The following MIGA2 variants were observed in gnomAD, a reference collection of about 807,000 sequenced individuals.
MIGA2 encodes the protein mitoguardin 2.
Under a neutral mutation model 69.9 loss-of-function variants are expected in MIGA2, and 36 were observed. The ratio of observed to expected loss-of-function variants is 0.52; its 90% CI spans 0.39 to 0.68. The LOEUF (loss-of-function observed/expected upper bound fraction) is 0.68. MIGA2 is among the 30% of genes least tolerant of loss of function. The probability of loss-of-function intolerance (pLI) is 0.00; values close to 1 mark genes in which losing one functional copy is unlikely to be tolerated. For synonymous variants in MIGA2, 333 were observed against 349.2 expected (o/e 0.95, Z 0.52); for missense variants, 660 against 787.7 (o/e 0.84, Z 1.94).
chr9:129,060,575 C>A lies in MIGA2; in HGVS notation c.819C>A (p.Thr273=). The part of the protein sequence containing the change: ...DLERTLMLPL[T]EGSLRLRADD... ...AGAGGACCCTCATGCTGCCCCTGAC[C>A]GAGGGCTCGCTGCGGCTGCGGGCGG... is the stretch of plus-strand genomic sequence containing the variant. The change falls in exon 8 of 16, where the codon ACC becomes ACA. Residue 273 remains threonine (T), a synonymous_variant. Transcript: ENST00000684074. The surrounding 1 kb of genome is among the most constrained non-coding windows in gnomAD (Gnocchi z 4.8). 1 of 1,604,092 alleles carries A rather than the reference C, an allele frequency of 6.2e-7. No homozygotes were observed. Among genetic ancestry groups the A allele is most frequent in the East Asian group, 2.2e-5 (1 of 44,550 alleles).
At chr9:129,040,297 G>A (rs1429651974) in intron 1 of MIGA2, among the ~76,000 whole-genome samples, 155 bp from the exon 2 acceptor site, 3 of 152,324 alleles carry the variant, frequency 2.0e-5, no homozygotes, top group Non-Finnish European at 4.4e-5. Flanking sequence ...GCCTGCTGGC[G>A]GGCAGATGCA....
rs781697221 is a variant in MIGA2 at position 129,068,081 on chromosome 9, G to T, written c.1270-117G>T. On this transcript the variant is annotated intron_variant, in intron 12 of 15. Coordinates refer to ENST00000684074, the MANE Select transcript of MIGA2 (RefSeq NM_001329990.2). The surrounding 1 kb of genome is among the most constrained non-coding windows in gnomAD (Gnocchi z 4.1). ...TTGCACAGCAGAGCGGGAAAGACGTGTCCCCCCCACGTGTGCTCATGCCCT... is the reference window on the plus strand; with the variant it reads ...TTGCACAGCAGAGCGGGAAAGACGTTTCCCCCCCACGTGTGCTCATGCCCT... 6.9e-7 allele frequency: 1 copy of T among 1,447,714 alleles called. No homozygotes were observed. The highest frequency in any genetic ancestry group is 1.2e-5 in the South Asian group (1 of 86,278). The allele number at this position is 1,447,714 out of a possible 1,614,324, so 89.7% of individuals were successfully genotyped here.
chr9:129,051,253 ATTATTTATTTATTTAT>A (rs752763430), intron 6 of MIGA2: 7 of 172,950 alleles, frequency 4.0e-5, no homozygotes, highest in East Asian at 1.7e-4. Context: ...TCAACAGTGA[ATTATTTATTTATTTAT>A]TTATTTATTT....
Position 129,059,335 on chromosome 9 carries a change from G to A in MIGA2, c.793+64G>A. 1 of 1,339,374 alleles carries A rather than the reference G, an allele frequency of 7.5e-7. No homozygotes were observed. The allele number at this position is 1,339,374 out of a possible 1,614,324, so 83.0% of individuals were successfully genotyped here. ...GTGGCAGGGATGGAGGTGAGGAGAAGTTGCGAGAACCGGGTCGTGGTTCTC... is the reference window on the plus strand; with the variant it reads ...GTGGCAGGGATGGAGGTGAGGAGAAATTGCGAGAACCGGGTCGTGGTTCTC... On this transcript the variant is annotated intron_variant, in intron 7 of 15. Transcript: ENST00000684074. This position sits in a 1 kb window ranked among gnomAD's most constrained non-coding sequence, Gnocchi z 5.6.
intron 3 of MIGA2, among the ~76,000 whole-genome samples, chr9:129,045,967 C>T (rs947712461): frequency 6.6e-6 from 1 of 151,854 alleles, no homozygotes. Context: ...AATTCTCCTG[C>T]CTCAGCCTCC....
rs1411375355 is a variant in MIGA2, at chr9:129,042,534, C to A, written c.307+20C>A. On this transcript the variant is annotated intron_variant, in intron 3 of 15. Coordinates refer to ENST00000684074, the MANE Select transcript of MIGA2 (RefSeq NM_001329990.2). ...AGAAAGGTAGGTGTGAGGTGGTGGG[C>A]ATAGGCCTGACCTGAGGTCACATCC... is the stretch of plus-strand genomic sequence containing the variant. The A allele has an allele frequency of 6.5e-7, 1 of 1,544,250 alleles. No individual in the cohort carries two copies. The highest frequency in any genetic ancestry group is 8.7e-7 in the Non-Finnish European group (1 of 1,147,630).
Position 129,042,656 on chromosome 9 carries a change from G to T in MIGA2, c.307+142G>T. On this transcript the variant is annotated intron_variant, in intron 3 of 15. Transcript: ENST00000684074. ...AGGTCTCCTGATCTGTGAGCGGGAT[G>T]ACAGTAGCGTCCCTCCCTCCAGTCA... The T allele has an allele frequency of 6.0e-6, 5 of 838,324 alleles. No homozygotes were observed. The South Asian group carries it at 8.2e-5, about 14-fold the overall frequency. The allele number at this position is 838,324 out of a possible 1,614,324, so 51.9% of individuals were successfully genotyped here. A position where few individuals can be genotyped will look rare whatever the true frequency, so the allele number is the denominator to read the frequency against.
Position 129,061,781 on chromosome 9 carries a change from C to T in MIGA2, c.1010+435C>T, listed in dbSNP as rs1031660448. 6.6e-6 allele frequency among the ~76,000 whole-genome samples: 1 copy of T among 152,268 alleles called. No homozygotes were observed. Among genetic ancestry groups the T allele is most frequent in the Admixed American group, 6.5e-5 (1 of 15,286 alleles). On this transcript the variant is annotated intron_variant, in intron 9 of 15. Coordinates refer to ENST00000684074, the MANE Select transcript of MIGA2 (RefSeq NM_001329990.2). The surrounding 1 kb of genome is among the most constrained non-coding windows in gnomAD (Gnocchi z 5.0). Reference sequence around the variant, plus strand: ...TACAGCCACAGCCACACAGGGGGCACTGGTCCTAAGCGCAGTGTCTGGACA... The same window carrying T: ...TACAGCCACAGCCACACAGGGGGCATTGGTCCTAAGCGCAGTGTCTGGACA...
rs574148729 is a variant in MIGA2, at chr9:129,068,054, C to G, written c.1270-144C>G. On this transcript the variant is annotated intron_variant, in intron 12 of 15. Transcript: ENST00000684074. This position sits in a 1 kb window ranked among gnomAD's most constrained non-coding sequence, Gnocchi z 4.1. ...AGGGAGGAATGGCCTCAGCTACACC[C>G]GTTGCACAGCAGAGCGGGAAAGACG... 1.5e-6 allele frequency: 2 copies of G among 1,323,658 alleles called. No homozygotes were observed. Among genetic ancestry groups the G allele is most frequent in the African/African-American group, 2.9e-5 (2 of 69,114 alleles). 82.0% of individuals were successfully genotyped at this position (1,323,658 alleles called of 1,614,324 possible).
At chr9:129,051,088 G>A (rs544177504) in intron 6 of MIGA2, among the ~76,000 whole-genome samples, 19 of 151,590 alleles carry the variant, frequency 1.3e-4, no homozygotes, top group Admixed American at 5.3e-4. Flanking sequence ...TGGTCAGGCT[G>A]GTCTCGAACT....
intron 11 of MIGA2, 58 bp downstream of exon 11, chr9:129,063,689 CT>C: frequency 1.3e-6 from 2 of 1,568,086 alleles, no homozygotes; most frequent in Admixed American, 1.7e-5. Flanking sequence ...GAGGGTCCCC[CT>C]GAACCCCACC....
At chr9:129,038,856 C>T (rs77935268) in intron 1 of MIGA2, among the ~76,000 whole-genome samples, 3,951 of 133,894 alleles carry the variant, frequency 0.03, 142 homozygotes, top group East Asian at 0.12. Flanking sequence ...AGTGCAGTGG[C>T]GCGATCTAGG....
chr9:129,052,519 G>A (rs1845600688), intron 6 of MIGA2, among the ~76,000 whole-genome samples: 1 of 151,128 alleles, frequency 6.6e-6, no homozygotes, highest in Non-Finnish European at 1.5e-5. Context: ...CCTCACACCT[G>A]TAATCCCAGC....
At chr9:129,070,047 GGCC>G (rs1430436235) in intron 15 of MIGA2, 82 bp downstream of exon 15, 1 of 1,256,300 alleles carries the variant, frequency 8.0e-7, no homozygotes, top group Non-Finnish European at 1.1e-6. Context: ...ATGGGATGAG[GGCC>G]TGGGCCTGGG....
chr9:129,058,278 G>A (rs1045333215), intron 6 of MIGA2, among the ~76,000 whole-genome samples: 2 of 151,766 alleles, frequency 1.3e-5, no homozygotes, highest in African/African-American at 4.8e-5. Flanking sequence ...ATGTATGCCT[G>A]TAGTGTCCTA....
chr9:129,067,135 CAAAAAAAAAAAAA>C (rs774512522), intron 11 of MIGA2, among the ~76,000 whole-genome samples: 2 of 52,016 alleles, frequency 3.8e-5, no homozygotes, highest in Non-Finnish European at 7.8e-5. Context: ...GACTCCATCT[CAAAAAAAAAAAAA>C]AAAAAAAAAA....
chr9:129,056,173 G>A (rs556666747), intron 6 of MIGA2, among the ~76,000 whole-genome samples: 1 of 150,996 alleles, frequency 6.6e-6, no homozygotes, highest in East Asian at 1.9e-4. Context: ...AGGGTCACAT[G>A]TGTATTATTA....
intron 2 of MIGA2, among the ~76,000 whole-genome samples, 186 bp downstream of exon 2, chr9:129,040,876 CT>C (rs375570795): frequency 4.7e-5 from 7 of 150,038 alleles, no homozygotes; most frequent in African/African-American, 4.9e-5. Context: ...TATACGAACT[CT>C]TTTTTTTTTA....
chr9:129,061,096 C>T lies in MIGA2; in HGVS notation c.895-135C>T. ...GCCTCCTGGCCAGTGTTCCCTCTGA[C>T]ATCCCCTCAGAGACGTTGGCAGTGG... is the stretch of plus-strand genomic sequence containing the variant. On this transcript the variant is annotated intron_variant, in intron 8 of 15. Coordinates refer to ENST00000684074, the MANE Select transcript of MIGA2 (RefSeq NM_001329990.2). This position sits in a 1 kb window ranked among gnomAD's most constrained non-coding sequence, Gnocchi z 5.0. 1.4e-6 allele frequency: 1 copy of T among 724,642 alleles called. No homozygotes were observed. The highest frequency in any genetic ancestry group is 2.7e-5 in the East Asian group (1 of 37,294). 44.9% of individuals were successfully genotyped at this position (724,642 alleles called of 1,614,324 possible).
Sources: allele counts gnomAD v4.1 joint callset (sites outside exome capture counted in the v4.1 genomes callset), GRCh38; gene constraint gnomAD v4.1.1; non-coding constraint Gnocchi (gnomAD v3.1); transcripts MANE v1.5; gene names NCBI Gene and HGNC (gene_info 2026-07-23, HGNC 2026-07-21).